PIEZO1: variants seen among roughly 807,000 people sequenced by gnomAD.
PIEZO1 encodes the protein piezo type mechanosensitive ion channel component 1 (Er blood group).
PIEZO1 carries 296 observed loss-of-function variants against 297.2 expected under a neutral mutation model. The observed-to-expected ratio is 1.00, with a 90% confidence interval of 0.91 to 1.10. PIEZO1 has a LOEUF of 1.10. Ranked by LOEUF, PIEZO1 falls within the 50% of genes least tolerant of loss-of-function variation. The probability of loss-of-function intolerance (pLI) is 0.00; values close to 1 mark genes in which losing one functional copy is unlikely to be tolerated. For synonymous variants in PIEZO1, 2,427 were observed against 1,507.5 expected, an observed-to-expected ratio of 1.61 and a Z score of -14.13; for missense variants, 5,018 against 3,455.5, an observed-to-expected ratio of 1.45 and a Z score of -11.34.
In PIEZO1 at chr16:88,747,174, T is replaced by C. The variant is rs1039069617; in HGVS notation, c.160+2210A>G. Among the ~76,000 whole-genome samples the C allele has an allele frequency of 8.0e-5, 12 of 149,826 alleles. No homozygotes were observed. In the Admixed American group the frequency reaches 8.0e-4, roughly 10 times the overall value. On this transcript the variant is annotated intron_variant, in intron 2 of 50. Transcript: ENST00000301015. Reference sequence around the variant, plus strand: ...TGAGCCCAGGAGGTGGAGGCTGCAGTGAGCCATGATCATGCCACTGCTCTC... The same window carrying C: ...TGAGCCCAGGAGGTGGAGGCTGCAGCGAGCCATGATCATGCCACTGCTCTC...
chr16:88,723,393 G>A, intron 31 of PIEZO1, 65 bp from the exon 32 acceptor site: 6 of 1,521,670 alleles, frequency 3.9e-6, no homozygotes, highest in African/African-American at 2.7e-5. Flanking sequence ...GGGAAGCTGG[G>A]GTTGGGCAAG....
chr16:88,773,700 G>C (rs890305157), intron 1 of PIEZO1, among the ~76,000 whole-genome samples: 6 of 151,998 alleles, frequency 3.9e-5, no homozygotes, highest in African/African-American at 1.2e-4. Context: ...AGGCAGGTCG[G>C]GGGAGTGGAC....
At chr16:88,778,833 C>T (rs1237768354) in intron 1 of PIEZO1, among the ~76,000 whole-genome samples, 2 of 152,148 alleles carry the variant, frequency 1.3e-5, no homozygotes, top group African/African-American at 4.8e-5. Context: ...ACCCACACAC[C>T]CAGGCATCCA....
Position 88,722,938 on chromosome 16 carries a change from C to G in PIEZO1, c.4567G>C (p.Asp1523His). Residue 1523 changes from aspartate to histidine, a missense_variant, in exon 34 of 51, where the codon GAT (aspartate) becomes CAT (histidine). Transcript: ENST00000301015. ...FLWMLGQALV[D>H]ELTRWLQEFT... is the part of the protein sequence containing the mutation. ...TCCTGCAGCCAGCGTGTCAGCTCAT[C>G]CACTAGCGCCTGCCCCAGCATCCAC... is the stretch of plus-strand genomic sequence containing the variant. 5 of 1,549,426 alleles carry G rather than the reference C, an allele frequency of 3.2e-6. No homozygotes were observed. Among genetic ancestry groups the G allele is most frequent in the African/African-American group, 1.4e-5 (1 of 73,156 alleles).
At chr16:88,779,349 T>C (rs2142911229) in intron 1 of PIEZO1, among the ~76,000 whole-genome samples, 1 of 152,266 alleles carries the variant, frequency 6.6e-6, no homozygotes, top group South Asian at 2.1e-4. Flanking sequence ...AGGGATCCCA[T>C]TTTGGACGGC....
intron 1 of PIEZO1, among the ~76,000 whole-genome samples, chr16:88,781,774 C>T (rs901971163): frequency 2.6e-5 from 4 of 152,368 alleles, no homozygotes; most frequent in Middle Eastern, 3.4e-3. Context: ...CTGCTGTTCC[C>T]CAGCTTCTCG....
intron 2 of PIEZO1, chr16:88,743,490 G>A (rs747755884): frequency 1.0e-4 from 46 of 453,154 alleles, no homozygotes; most frequent in African/African-American, 8.0e-4. Context: ...CTCAGGGACA[G>A]GTAGCATCTG....
intron 1 of PIEZO1, among the ~76,000 whole-genome samples, chr16:88,770,944 G>GAGCGCACATGCCCTGAGCGC (rs1907398230): frequency 6.6e-6 from 1 of 152,226 alleles, no homozygotes; most frequent in Non-Finnish European, 1.5e-5. Context: ...ACTCCCTGCC[G>GAGCGCACATGCCCTGAGCGC]TCACATGCCC....
chr16:88,781,713 C>A (rs1228767299), intron 1 of PIEZO1, among the ~76,000 whole-genome samples: 2 of 152,274 alleles, frequency 1.3e-5, no homozygotes, highest in Non-Finnish European at 2.9e-5. Flanking sequence ...GGTGACTCTG[C>A]CATGCTCAGC....
chr16:88,715,376 T>TAAAAA lies in PIEZO1; in HGVS notation c.*224_*228dup, dbSNP rs113700874. The TAAAAA allele has an allele frequency of 5.5e-6, 6 of 1,087,688 alleles. No homozygotes were observed. In the Admixed American group the frequency reaches 8.8e-5, roughly 16 times the overall value. The allele number at this position is 1,087,688 out of a possible 1,614,324, so 67.4% of individuals were successfully genotyped here. ...TTGTATAAATAAAACATTTTTTAAT[T>TAAAAA]AAAAAAAAAACTCTACAGTACACGT... On this transcript the variant is annotated 3_prime_UTR_variant, in exon 51 of 51. Transcript: ENST00000301015.
At chr16:88,721,494 A>G (rs1181643906) in intron 38 of PIEZO1, 44 bp downstream of exon 38, 3 of 1,538,402 alleles carry the variant, frequency 2.0e-6, no homozygotes, top group Non-Finnish European at 1.8e-6. Flanking sequence ...AGGTGCCCAG[A>G]GGGCCTGCCC....
intron 1 of PIEZO1, among the ~76,000 whole-genome samples, chr16:88,779,096 C>T (rs116739603): frequency 0.032 from 4,839 of 148,920 alleles, 289 homozygotes; most frequent in African/African-American, 0.11. Context: ...AGCTGGAGTG[C>T]AGTGGCACGA....
chr16:88,716,018 A>C lies in PIEZO1; in HGVS notation c.7231T>G (p.Cys2411Gly), dbSNP rs1911994726. ...LEWWVIELQE[C>G]RTDCNLLPMV... is the part of the protein sequence containing the mutation. The stretch of plus-strand genomic sequence containing the variant: ...GGCAGCAGGTTGCAGTCGGTCCGGC[A>C]CTCCTGCAGCTCGATGACCCACCAT... Residue 2411 changes from cysteine (C) to glycine (G), a missense_variant, in exon 50 of 51, where the codon TGC becomes GGC. By Grantham distance (159) the Cys-to-Gly change is radical. Transcript: ENST00000301015. The C allele has an allele frequency of 2.6e-6, 4 of 1,549,606 alleles. No individual in the cohort carries two copies. The highest frequency in any genetic ancestry group is 2.7e-5 in the African/African-American group (2 of 72,834).
chr16:88,723,008 G>T lies in PIEZO1; in HGVS notation c.4497C>A (p.Gly1499=). 1 of 1,545,226 alleles carries T rather than the reference G, an allele frequency of 6.5e-7. No homozygotes were observed. Among genetic ancestry groups the T allele is most frequent in the Non-Finnish European group, 8.7e-7 (1 of 1,145,300 alleles). Residue 1499 remains glycine (G), a splice_region_variant and synonymous_variant, in exon 34 of 51, where the codon GGC becomes GGA. Transcript: ENST00000301015. ...PAEGPEEAAA[G]RSHVVQRVLS... is the part of the protein sequence containing the mutation. ...GCACCCTCTGCACCACATGGCTCCGGCCTGCGGGAGGGCGGGAGGGGGCGC... is the reference window on the plus strand; with the variant it reads ...GCACCCTCTGCACCACATGGCTCCGTCCTGCGGGAGGGCGGGAGGGGGCGC...
intron 16 of PIEZO1, 77 bp downstream of exon 16, chr16:88,734,279 C>T: frequency 3.0e-6 from 4 of 1,350,146 alleles, no homozygotes; most frequent in Non-Finnish European, 3.9e-6. Flanking sequence ...TGGCTCCTGT[C>T]CAACTCCCAC....
chr16:88,732,634 T>C lies in PIEZO1; in HGVS notation c.2763A>G (p.Lys921=), dbSNP rs1904939217. ...VDPANWFGVR[K]GFPNLGYIQN... is the part of the protein sequence containing the mutation. ...GGATGTAGCCCAGGTTGGGGAACCC[T>C]TTCCGCACCCCAAACCAGTTGGCAG... Residue 921 remains lysine (K), a synonymous_variant, in exon 20 of 51, where the codon AAA becomes AAG. Transcript: ENST00000301015. The C allele has an allele frequency of 1.3e-6, 2 of 1,549,592 alleles. No homozygotes were observed. The highest frequency in any genetic ancestry group is 2.4e-5 in the East Asian group (1 of 40,902).
At chr16:88,739,046 C>T in intron 5 of PIEZO1, 2 of 460,594 alleles carry the variant, frequency 4.3e-6, no homozygotes, top group Non-Finnish European at 7.9e-6. Context: ...AGACAGACCA[C>T]AGACTGTCCT....
chr16:88,781,999 G>C (rs1907959025), intron 1 of PIEZO1, among the ~76,000 whole-genome samples: 3 of 152,280 alleles, frequency 2.0e-5, no homozygotes, highest in Admixed American at 2.0e-4. Context: ...CCCACAGTCA[G>C]TGACACGGTG....
Position 88,733,743 on chromosome 16 carries a change from C to T in PIEZO1, c.2332G>A (p.Ala778Thr), listed in dbSNP as rs774977877. ...PHQATQVPEG[A>T]AKWGLVAERL... ...TCAGCCACCAGGCCCCACTTGGCTG[C>T]CCCTGTGATGGTGTGAGGGTCAGTG... Residue 778 changes from alanine to threonine, a missense_variant and splice_region_variant, in exon 18 of 51, where the codon GCA (alanine) becomes ACA (threonine). Transcript: ENST00000301015. 5 of 1,542,168 alleles carry T rather than the reference C, an allele frequency of 3.2e-6. No individual in the cohort carries two copies. In the South Asian group the frequency reaches 3.6e-5, roughly 11 times the overall value.
Sources: gnomAD v4.1 joint callset for allele counts (sites outside exome capture counted in the v4.1 genomes callset) on GRCh38, gnomAD v4.1.1 for gene constraint, MANE v1.5 for transcripts, NCBI Gene and HGNC (gene_info 2026-07-23, HGNC 2026-07-21) for gene names.